The following LMNB1 variants were observed in gnomAD, a reference collection of about 807,000 sequenced individuals.
The protein encoded by LMNB1 is lamin-B1.
A neutral mutation model predicts 67.1 loss-of-function variants in LMNB1; 23 were observed. The ratio of observed to expected loss-of-function variants is 0.34; its 90% CI spans 0.25 to 0.49. The LOEUF is 0.49. Ranked by LOEUF, LMNB1 falls within the 20% of genes least tolerant of loss-of-function variation. The pLI is 0.99. For synonymous variants in LMNB1, 281 were observed against 282.9 expected (o/e 0.99, Z 0.07); for missense variants, 634 against 746.5 (o/e 0.85, Z 1.76).
chr5:126,827,750 A>C (rs1161636730), intron 9 of LMNB1, among the ~76,000 whole-genome samples: 3 of 152,242 alleles, frequency 2.0e-5, no homozygotes, highest in Non-Finnish European at 4.4e-5. Flanking sequence ...GAGCAAAGGA[A>C]GTAGAAGATG....
chr5:126,826,046 A>G lies in LMNB1; in HGVS notation c.1550A>G (p.Asn517Ser). ...ASPPTDLIWK[N>S]QNSWGTGEDV... ...CCCCCAACTGACCTCATCTGGAAGA[A>G]CCAGAACTCGTGGGGCACTGGCGAA... Residue 517 changes from asparagine to serine, a missense_variant, in exon 9 of 11, where the codon AAC becomes AGC. Physicochemically the swap from Asn to Ser is conservative, Grantham distance 46. Transcript: ENST00000261366. 6.2e-7 allele frequency: 1 copy of G among 1,614,046 alleles called. No homozygotes were observed. Among genetic ancestry groups the G allele is most frequent in the South Asian group, 1.1e-5 (1 of 91,082 alleles).
At chr5:126,809,241 T>C (rs1751527963) in intron 3 of LMNB1, among the ~76,000 whole-genome samples, 2 of 152,204 alleles carry the variant, frequency 1.3e-5, no homozygotes, top group Non-Finnish European at 2.9e-5. Flanking sequence ...GACAACTACT[T>C]CTATTCTTCA....
chr5:126,818,816 C>A, intron 5 of LMNB1, 106 bp from the exon 6 acceptor site: 1 of 789,458 alleles, frequency 1.3e-6, no homozygotes, highest in Non-Finnish European at 2.1e-6. Context: ...GTTAGAGATT[C>A]CATAGGGTTG....
chr5:126,780,260 G>T (rs1239533206), intron 1 of LMNB1, among the ~76,000 whole-genome samples: 6 of 152,112 alleles, frequency 3.9e-5, no homozygotes, highest in African/African-American at 1.4e-4. Context: ...AGGATATGAA[G>T]ATTTTTTTAA....
chr5:126,819,276 A>C, intron 6 of LMNB1, 134 bp downstream of exon 6: 1 of 609,474 alleles, frequency 1.6e-6, no homozygotes, highest in Non-Finnish European at 2.9e-6. Context: ...TAGGTATAGA[A>C]GTAGTAATAG....
At chr5:126,821,730 C>T (rs1171102919) in intron 7 of LMNB1, among the ~76,000 whole-genome samples, 1 of 152,062 alleles carries the variant, frequency 6.6e-6, no homozygotes, top group Admixed American at 6.6e-5. Context: ...GTGGGCCTTC[C>T]CTAGCTCTGC....
Position 126,795,933 on chromosome 5 carries a change from C to CTTTTTTTTTTTTTTTTTTTT in LMNB1, c.360-8827_360-8826insTTTTTTTTTTTTTTTTTTTT, listed in dbSNP as rs70997314. 3.9e-4 allele frequency among the ~76,000 whole-genome samples: 32 copies of CTTTTTTTTTTTTTTTTTTTT among 82,094 alleles called. 3 individuals carry two copies. Among genetic ancestry groups the CTTTTTTTTTTTTTTTTTTTT allele is most frequent in the African/African-American group, 1.3e-3 (29 of 22,168 alleles). The allele number at this position is 82,094 out of a possible 152,430, so 53.9% of individuals were successfully genotyped here. ...GAGCCACTGCGCCTGGCCCAGGATG[C>CTTTTTTTTTTTTTTTTTTTT]TTTTTTTTTTTTTTTTGAGACGGAG... On this transcript the variant is annotated intron_variant, in intron 1 of 10. Transcript: ENST00000261366.
intron 6 of LMNB1, 90 bp downstream of exon 6, chr5:126,819,232 G>T: frequency 2.4e-6 from 2 of 845,026 alleles, no homozygotes; most frequent in Non-Finnish European, 3.7e-6. Flanking sequence ...ATTTTAAAAA[G>T]AACTTTATTT....
At chr5:126,820,574 A>G (rs1271496923) in intron 6 of LMNB1, among the ~76,000 whole-genome samples, 2 of 152,094 alleles carry the variant, frequency 1.3e-5, no homozygotes, top group Non-Finnish European at 2.9e-5. Context: ...CACCCAGGCT[A>G]GAGTGCAGTG....
chr5:126,795,850 ACT>A (rs1178740312), intron 1 of LMNB1, among the ~76,000 whole-genome samples: 2 of 148,376 alleles, frequency 1.3e-5, no homozygotes, highest in Non-Finnish European at 3.0e-5. Flanking sequence ...CTGGTCTCAA[ACT>A]CTTGACCTCA....
At chr5:126,827,081 C>T (rs1465418627) in intron 9 of LMNB1, among the ~76,000 whole-genome samples, 1 of 152,146 alleles carries the variant, frequency 6.6e-6, no homozygotes, top group Admixed American at 6.5e-5. Context: ...TACCTTACAA[C>T]CTGACTGGGT....
chr5:126,836,136 T>G (rs1183872943), intron 10 of LMNB1, 87 bp from the exon 11 acceptor site: 1 of 912,376 alleles, frequency 1.1e-6, no homozygotes, highest in Non-Finnish European at 1.8e-6. Context: ...TGGTTTGGTA[T>G]CCCTGTAGTT....
chr5:126,826,163 G>T (rs1751995452), intron 9 of LMNB1, 56 bp downstream of exon 9: 1 of 1,555,548 alleles, frequency 6.4e-7, no homozygotes, highest in Admixed American at 1.8e-5. Context: ...AGTTCACTGT[G>T]CAAGTATAAT....
At position 126,777,722 on chromosome 5, in the gene LMNB1, G is replaced by C. The variant is rs769551613; in HGVS notation, c.214G>C (p.Gly72Arg). Reference protein sequence around the residue: ...LQVTEREEVRGRELTGLKALY... With the variant: ...LQVTEREEVRRRELTGLKALY... ...GGTGACGGAGCGCGAGGAGGTGCGC[G>C]GCCGTGAGCTCACCGGCCTCAAGGC... The change falls in exon 1 of 11, where the codon GGC (glycine) becomes CGC (arginine). Residue 72 changes from glycine to arginine, a missense_variant. Physicochemically the swap from Gly to Arg is moderately radical, Grantham distance 125. Transcript: ENST00000261366. The C allele has an allele frequency of 1.0e-5, 16 of 1,542,088 alleles. No homozygotes were observed. In the South Asian group the frequency reaches 1.7e-4, roughly 16 times the overall value.
rs770519217 is a variant in LMNB1, at chr5:126,777,489, C to G, written c.-20C>G. 16 of 1,317,536 alleles carry G rather than the reference C, an allele frequency of 1.2e-5. No homozygotes were observed. The highest frequency in any genetic ancestry group is 6.2e-5 in the African/African-American group (4 of 64,480). The allele number at this position is 1,317,536 out of a possible 1,614,324, so 81.6% of individuals were successfully genotyped here. A position where few individuals can be genotyped will look rare whatever the true frequency, so the allele number is the denominator to read the frequency against. ...GGTCCCGCTCGCGGCCTCGCCGCCC[C>G]GCTGTCTCCGCCGCCCGCCATGGCG... On this transcript the variant is annotated 5_prime_UTR_variant, in exon 1 of 11. Transcript: ENST00000261366.
At chr5:126,792,368 C>T (rs1580530417) in intron 1 of LMNB1, among the ~76,000 whole-genome samples, 1 of 151,832 alleles carries the variant, frequency 6.6e-6, no homozygotes, top group African/African-American at 2.4e-5. Context: ...GTCTTAAACT[C>T]CTGACCTCAG....
intron 8 of LMNB1, among the ~76,000 whole-genome samples, chr5:126,824,701 C>T (rs1751948058): frequency 1.3e-5 from 2 of 152,110 alleles, no homozygotes; most frequent in Admixed American, 1.3e-4. Flanking sequence ...TTCTTTTTTT[C>T]AGTTTAATCC....
rs576433387 is a variant in LMNB1, at chr5:126,784,216, T to C, written c.359+6349T>C. Among the ~76,000 whole-genome samples, 220 of 150,846 alleles carry C rather than the reference T, an allele frequency of 1.5e-3. 2 individuals are homozygous for C. Among genetic ancestry groups the C allele is most frequent in the Admixed American group, 0.01 (155 of 15,068 alleles). ...ATTTTGTATTTTTTTTTTAATAGAC[T>C]TGGGGTTTTTCCATGTTGGTCAGGC... On this transcript the variant is annotated intron_variant, in intron 1 of 10. Coordinates refer to ENST00000261366, the MANE Select transcript of LMNB1 (RefSeq NM_005573.4).
At chr5:126,814,561 A>G (rs891560513) in intron 5 of LMNB1, among the ~76,000 whole-genome samples, 1 of 149,674 alleles carries the variant, frequency 6.7e-6, no homozygotes, top group Non-Finnish European at 1.5e-5. Context: ...TTTTTGAGAC[A>G]GAATTTTGCT....
Sources: gnomAD v4.1 joint callset for allele counts (sites outside exome capture counted in the v4.1 genomes callset) on GRCh38, gnomAD v4.1.1 for gene constraint, MANE v1.5 for transcripts, NCBI Gene and HGNC (gene_info 2026-07-23, HGNC 2026-07-21) for gene names.